GPC6: variants seen among roughly 807,000 people sequenced by gnomAD.
The protein encoded by GPC6 is glypican 6, also known as glypican-6.
A neutral mutation model predicts 55.2 loss-of-function variants in GPC6; 14 were observed. That is an observed-to-expected ratio of 0.25 (90% CI 0.17 to 0.40). The LOEUF is 0.40. Ranked by LOEUF, GPC6 falls within the 10% of genes least tolerant of loss-of-function variation. The probability of loss-of-function intolerance (pLI) is 1.00; values close to 1 mark genes in which losing one functional copy is unlikely to be tolerated. For synonymous variants in GPC6, 278 were observed against 259.6 expected, an observed-to-expected ratio of 1.07 and a Z score of -0.68; for missense variants, 641 against 708.5, an observed-to-expected ratio of 0.90 and a Z score of 1.08.
intron 1 of GPC6, among the ~76,000 whole-genome samples, chr13:93,452,792 G>C (rs1878277783): frequency 6.6e-6 from 1 of 151,990 alleles, no homozygotes; most frequent in African/African-American, 2.4e-5. Context: ...GGCTAATGAT[G>C]GTTTCCTAAT....
chr13:93,727,956 G>A (rs1397774069), intron 2 of GPC6, among the ~76,000 whole-genome samples: 1 of 152,060 alleles, frequency 6.6e-6, no homozygotes, highest in East Asian at 1.9e-4. Context: ...CTGTGACTGT[G>A]TCCTTATGAC....
At chr13:94,046,139 T>C (rs1476115091) in intron 4 of GPC6, among the ~76,000 whole-genome samples, 1 of 152,032 alleles carries the variant, frequency 6.6e-6, no homozygotes, top group Non-Finnish European at 1.5e-5. Flanking sequence ...AAACAGAGAC[T>C]GGAGTAACTG....
At position 94,254,757 on chromosome 13, in the gene GPC6, T is replaced by A. The variant is rs551887067; in HGVS notation, c.878-31592T>A. Among the ~76,000 whole-genome samples, 184 of 152,242 alleles carry A rather than the reference T, an allele frequency of 1.2e-3. 6 individuals are homozygous for A. In the South Asian group the frequency reaches 0.036, roughly 30 times the overall value. On this transcript the variant is annotated intron_variant, in intron 4 of 8. Coordinates refer to ENST00000377047, the MANE Select transcript of GPC6 (RefSeq NM_005708.5). ...AGTACAAAATTCTTAGCTCAAATTTTAAAATGAAATACAGTGTAGTCAAAT... is the reference window on the plus strand; with the variant it reads ...AGTACAAAATTCTTAGCTCAAATTTAAAAATGAAATACAGTGTAGTCAAAT...
At chr13:93,903,128 A>G (rs1306680996) in intron 3 of GPC6, among the ~76,000 whole-genome samples, 1 of 152,218 alleles carries the variant, frequency 6.6e-6, no homozygotes, top group Non-Finnish European at 1.5e-5. Flanking sequence ...AAGAAAACAC[A>G]GGGGAAATGC....
intron 2 of GPC6, among the ~76,000 whole-genome samples, chr13:93,561,834 T>C (rs1875831609): frequency 6.6e-6 from 1 of 152,194 alleles, no homozygotes; most frequent in South Asian, 2.1e-4. Flanking sequence ...TTAAAAAATA[T>C]GCCATTTGCC....
intron 3 of GPC6, among the ~76,000 whole-genome samples, chr13:93,984,452 A>G (rs930179673): frequency 3.9e-5 from 6 of 152,220 alleles, no homozygotes; most frequent in African/African-American, 1.4e-4. Context: ...ATAGTATCCC[A>G]AAAGTTAGAA....
intron 6 of GPC6, among the ~76,000 whole-genome samples, chr13:94,358,215 G>A (rs865861000): frequency 3.3e-5 from 5 of 151,388 alleles, no homozygotes; most frequent in East Asian, 3.9e-4. Flanking sequence ...ACTTGAACCC[G>A]GAAGCAGAGG....
At chr13:94,022,417 A>T (rs187967919) in intron 3 of GPC6, among the ~76,000 whole-genome samples, 3 of 151,946 alleles carry the variant, frequency 2.0e-5, no homozygotes, top group Admixed American at 2.0e-4. Context: ...AGATGGCAGG[A>T]ACTCCTTTTT....
chr13:93,511,877 T>C (rs1426639360), intron 1 of GPC6, among the ~76,000 whole-genome samples: 2 of 152,092 alleles, frequency 1.3e-5, no homozygotes, highest in Non-Finnish European at 2.9e-5. Flanking sequence ...CTTGTATAGA[T>C]CTTTCCCCTT....
chr13:93,228,334 G>T (rs757553193), intron 1 of GPC6, among the ~76,000 whole-genome samples: 1 of 152,182 alleles, frequency 6.6e-6, no homozygotes, highest in Non-Finnish European at 1.5e-5. Flanking sequence ...AGGGCCCGGG[G>T]ACACCCTGCC....
chr13:94,183,350 C>A (rs1889060938), intron 4 of GPC6, among the ~76,000 whole-genome samples: 1 of 152,190 alleles, frequency 6.6e-6, no homozygotes, highest in Non-Finnish European at 1.5e-5. Context: ...GCAAAATGTT[C>A]TCAAGGTCTA....
chr13:93,768,307 C>T (rs1885187120), intron 2 of GPC6, among the ~76,000 whole-genome samples: 1 of 152,172 alleles, frequency 6.6e-6, no homozygotes, highest in Admixed American at 6.6e-5. Flanking sequence ...GTCATTTTCC[C>T]TGAAAACCCT....
intron 6 of GPC6, among the ~76,000 whole-genome samples, chr13:94,312,124 C>T (rs568933160): frequency 6.6e-6 from 1 of 152,306 alleles, no homozygotes; most frequent in South Asian, 2.1e-4. Flanking sequence ...GTCTGCTGGA[C>T]TTCCCTACTT....
At chr13:94,196,538 T>C (rs1889582324) in intron 4 of GPC6, among the ~76,000 whole-genome samples, 1 of 152,210 alleles carries the variant, frequency 6.6e-6, no homozygotes, top group South Asian at 2.1e-4. Context: ...ACTGACCTTT[T>C]ACCTTCAAGG....
chr13:93,738,083 T>C (rs1167744046), intron 2 of GPC6, among the ~76,000 whole-genome samples: 1 of 152,198 alleles, frequency 6.6e-6, no homozygotes, highest in Non-Finnish European at 1.5e-5. Flanking sequence ...GTGAATTTCC[T>C]GTTCTTAATA....
intron 4 of GPC6, among the ~76,000 whole-genome samples, chr13:94,105,789 A>G (rs1886032036): frequency 6.6e-6 from 1 of 152,212 alleles, no homozygotes; most frequent in African/African-American, 2.4e-5. Context: ...GTGAATCTTT[A>G]CCGGGACAGT....
intron 2 of GPC6, among the ~76,000 whole-genome samples, chr13:93,604,862 A>G (rs1878174282): frequency 6.6e-6 from 1 of 152,166 alleles, no homozygotes; most frequent in Non-Finnish European, 1.5e-5. Flanking sequence ...GTGAATGAAT[A>G]AACACAGGTG....
At chr13:94,148,455 T>C (rs868746780) in intron 4 of GPC6, among the ~76,000 whole-genome samples, 3 of 152,168 alleles carry the variant, frequency 2.0e-5, no homozygotes, top group African/African-American at 4.8e-5. Flanking sequence ...ACATGTTACA[T>C]TGAATTATAG....
At chr13:93,661,126 G>A (rs1179400330) in intron 2 of GPC6, among the ~76,000 whole-genome samples, 1 of 152,150 alleles carries the variant, frequency 6.6e-6, no homozygotes, top group Non-Finnish European at 1.5e-5. Flanking sequence ...GAGAATGGTG[G>A]TCAAAGATGA....
Sources: gnomAD v4.1 joint callset for allele counts (sites outside exome capture counted in the v4.1 genomes callset) on GRCh38, gnomAD v4.1.1 for gene constraint, MANE v1.5 for transcripts, NCBI Gene and HGNC (gene_info 2026-07-23, HGNC 2026-07-21) for gene names.